The following CCT6B variants were observed in gnomAD, a reference collection of about 807,000 sequenced individuals.
CCT6B encodes probable T-complex protein 1 subunit zeta-2.
In CCT6B, 49 loss-of-function variants were observed where a neutral mutation model predicts 61.5. The observed-to-expected ratio is 0.80, with a 90% CI of 0.63 to 1.01. The LOEUF (loss-of-function observed/expected upper bound fraction) is 1.01, where lower values mean the gene tolerates loss of function less well. Ranked by LOEUF, CCT6B falls within the 50% of genes least tolerant of loss-of-function variation. The pLI is 0.00. For missense variants in CCT6B, 666 were observed against 634.7 expected (o/e 1.05, Z -0.53); for synonymous variants, 228 against 214.5 (o/e 1.06, Z -0.55).
At chr17:34,935,064 A>T (rs1443378594) in intron 10 of CCT6B, among the ~76,000 whole-genome samples, 1 of 152,254 alleles carries the variant, frequency 6.6e-6, no homozygotes, top group Admixed American at 6.5e-5. Context: ...ATAGAATATT[A>T]TTCAATGGTA....
chr17:34,940,917 T>C (rs1415549772), intron 7 of CCT6B, among the ~76,000 whole-genome samples: 3 of 152,158 alleles, frequency 2.0e-5, no homozygotes, highest in Admixed American at 6.5e-5. Flanking sequence ...GGCATTACTT[T>C]ACATTTTTGC....
intron 1 of CCT6B, among the ~76,000 whole-genome samples, chr17:34,960,708 A>T (rs2090403688): frequency 6.6e-6 from 1 of 152,160 alleles, no homozygotes; most frequent in South Asian, 2.1e-4. Context: ...CTCTCCTCTT[A>T]TACCCTTTTG....
intron 5 of CCT6B, among the ~76,000 whole-genome samples, chr17:34,951,115 GC>G: frequency 6.6e-6 from 1 of 152,100 alleles, no homozygotes; most frequent in South Asian, 2.1e-4. Context: ...TCACCTAAGT[GC>G]ACTATACAGA....
rs1299351492 is a variant in CCT6B, at chr17:34,942,732, AAG to A, written c.725+62_725+63del. 45 of 1,495,112 alleles carry A rather than the reference AAG, an allele frequency of 3.0e-5. No individual in the cohort carries two copies. In the South Asian group the frequency reaches 5.2e-4, roughly 17 times the overall value. The allele number at this position is 1,495,112 out of a possible 1,614,324, so 92.6% of individuals were successfully genotyped here. On this transcript the variant is annotated intron_variant, in intron 6 of 13. Coordinates refer to ENST00000314144, the MANE Select transcript of CCT6B (RefSeq NM_006584.4). Reference sequence around the variant, plus strand: ...TCTACACCAAACATCTGGAAGGAAAAAGAGATTTTAAAACACCTTTAGAAAAA... The same window carrying A: ...TCTACACCAAACATCTGGAAGGAAAAAGATTTTAAAACACCTTTAGAAAAA...
chr17:34,946,778 C>T (rs2090228871), intron 5 of CCT6B, among the ~76,000 whole-genome samples: 1 of 152,100 alleles, frequency 6.6e-6, no homozygotes, highest in Non-Finnish European at 1.5e-5. Flanking sequence ...ACAAACAATG[C>T]TAAATGAAAA....
rs547896666 is a variant in CCT6B at position 34,928,137 on chromosome 17, G to A, written c.1524-20C>T. Reference sequence around the variant, plus strand: ...ACTGTGCTAAGGAAAAAGATGAGAGGGTGAGTAAAGCCTACTAACCCACTC... The same window carrying A: ...ACTGTGCTAAGGAAAAAGATGAGAGAGTGAGTAAAGCCTACTAACCCACTC... On this transcript the variant is annotated intron_variant, in intron 13 of 13. Coordinates refer to ENST00000314144, the MANE Select transcript of CCT6B (RefSeq NM_006584.4). 9 of 1,567,448 alleles carry A rather than the reference G, an allele frequency of 5.7e-6. No individual in the cohort carries two copies. In the African/African-American group the frequency reaches 1.1e-4, roughly 19 times the overall value.
chr17:34,932,270 C>A, intron 11 of CCT6B, 97 bp downstream of exon 11: 1 of 1,075,058 alleles, frequency 9.3e-7, no homozygotes, highest in East Asian at 2.6e-5. Flanking sequence ...CACATAAATA[C>A]CTGTCTACTC....
chr17:34,951,910 A>T (rs769099000), intron 5 of CCT6B, 40 bp downstream of exon 5: 20 of 957,100 alleles, frequency 2.1e-5, no homozygotes, highest in South Asian at 8.0e-5. Context: ...TCTTTAAAAA[A>T]TTCTAGAACC....
At chr17:34,948,948 T>A (rs1290763151) in intron 5 of CCT6B, among the ~76,000 whole-genome samples, 5 of 150,612 alleles carry the variant, frequency 3.3e-5, no homozygotes, top group Non-Finnish European at 7.4e-5. Context: ...GGTGGGAGGA[T>A]CACTTGAGCC....
chr17:34,931,045 CA>C lies in CCT6B; in HGVS notation c.1353del (p.Ala452LeufsTer12), dbSNP rs750460352. On this transcript the variant is annotated frameshift_variant, in exon 12 of 14. Coordinates refer to ENST00000314144, the MANE Select transcript of CCT6B (RefSeq NM_006584.4). LOFTEE classifies it high-confidence loss of function. ...TGTGGGTCATAACCAGCATTCTGAG[CA>C]AGAACCTTTAGGAATAAAAATAATA... ...ADALLIIPKV[L>X]AQNAGYDPQE... is the part of the protein sequence containing the mutation. 1 of 1,501,352 alleles carries C rather than the reference CA, an allele frequency of 6.7e-7. No homozygotes were observed. The highest frequency in any genetic ancestry group is 1.3e-5 in the South Asian group (1 of 77,208). 93.0% of individuals were successfully genotyped at this position (1,501,352 alleles called of 1,614,324 possible).
Position 34,932,505 on chromosome 17 carries a change from T to C in CCT6B, c.1214-5A>G, listed in dbSNP as rs375860051. The C allele has an allele frequency of 9.5e-6, 15 of 1,586,628 alleles. No individual in the cohort carries two copies. The highest frequency in any genetic ancestry group is 1.3e-5 in the Non-Finnish European group (15 of 1,171,550). ...CAGCTCCAGGAACCATACAACCTAT[T>C]GGAGAGAAAAAATATGATTGGCAAG... On this transcript the variant is annotated splice_region_variant and splice_polypyrimidine_tract_variant and intron_variant, in intron 10 of 13. Coordinates refer to ENST00000314144, the MANE Select transcript of CCT6B (RefSeq NM_006584.4).
chr17:34,955,308 CAGATT>C (rs544746381), intron 3 of CCT6B, among the ~76,000 whole-genome samples: 74 of 152,178 alleles, frequency 4.9e-4, no homozygotes, highest in Admixed American at 1.2e-3. Context: ...GAATAGAATG[CAGATT>C]AGATAACAGT....
intron 5 of CCT6B, among the ~76,000 whole-genome samples, chr17:34,950,189 C>T (rs961864992): frequency 7.2e-5 from 11 of 152,046 alleles, no homozygotes; most frequent in Non-Finnish European, 1.3e-4. Flanking sequence ...GATTACATAT[C>T]AAAACTTGAA....
At chr17:34,959,123 C>CT (rs11374610) in intron 2 of CCT6B, among the ~76,000 whole-genome samples, 87,217 of 102,784 alleles carry the variant, frequency 0.85, 37,775 homozygotes, top group East Asian at 0.96. Flanking sequence ...AAAAAAAAAA[C>CT]TTTTTTTTTT....
At position 34,928,130 on chromosome 17, in the gene CCT6B, A is replaced by T; in HGVS notation, c.1524-13T>A. The T allele has an allele frequency of 6.3e-7, 1 of 1,596,796 alleles. No individual in the cohort carries two copies. The highest frequency in any genetic ancestry group is 8.6e-7 in the Non-Finnish European group (1 of 1,167,002). The stretch of plus-strand genomic sequence containing the variant: ...GGCAATCACTGTGCTAAGGAAAAAG[A>T]TGAGAGGGTGAGTAAAGCCTACTAA... On this transcript the variant is annotated splice_polypyrimidine_tract_variant and intron_variant, in intron 13 of 13. Transcript: ENST00000314144.
chr17:34,938,158 G>T lies in CCT6B; in HGVS notation c.1213+1025C>A, dbSNP rs574169352. Reference sequence around the variant, plus strand: ...TCCCATCTTGGCCTCCCAAAGTGCTGGAATTACAGGTGAGAGCCACTGTGC... The same window carrying T: ...TCCCATCTTGGCCTCCCAAAGTGCTTGAATTACAGGTGAGAGCCACTGTGC... On this transcript the variant is annotated intron_variant, in intron 10 of 13. Coordinates refer to ENST00000314144, the MANE Select transcript of CCT6B (RefSeq NM_006584.4). Among the ~76,000 whole-genome samples the T allele has an allele frequency of 2.6e-5, 4 of 152,132 alleles. No homozygotes were observed. In the East Asian group the frequency reaches 7.8e-4, roughly 29 times the overall value.
At position 34,932,432 on chromosome 17, in the gene CCT6B, T is replaced by C. The variant is rs760933539; in HGVS notation, c.1282A>G (p.Ser428Gly). The C allele has an allele frequency of 6.2e-7, 1 of 1,612,256 alleles. No homozygotes were observed. Among genetic ancestry groups the C allele is most frequent in the African/African-American group, 1.3e-5 (1 of 74,996 alleles). Residue 428 changes from serine to glycine, a missense_variant, in exon 11 of 14, where the codon AGT becomes GGT. Ser to Gly is a moderately conservative substitution (Grantham distance 56). Coordinates refer to ENST00000314144, the MANE Select transcript of CCT6B (RefSeq NM_006584.4). ...MAEALVTYKNSIKGRARLGVQ... is the reference protein window; with the variant it reads ...MAEALVTYKNGIKGRARLGVQ... ...CCAAGACGAGCTCTTCCTTTTATACTGTTCTTATATGTAACAAGAGCTTCA... is the reference window on the plus strand; with the variant it reads ...CCAAGACGAGCTCTTCCTTTTATACCGTTCTTATATGTAACAAGAGCTTCA...
In CCT6B at chr17:34,951,926, G is replaced by A. The variant is rs775208485; in HGVS notation, c.614+24C>T. On this transcript the variant is annotated intron_variant, in intron 5 of 13. Coordinates refer to ENST00000314144, the MANE Select transcript of CCT6B (RefSeq NM_006584.4). ...CTTTAAAAAATTCTAGAACCCATAT[G>A]TTGTCAAAGCTTATGTAATTTACTT... 19 of 1,182,386 alleles carry A rather than the reference G, an allele frequency of 1.6e-5. No homozygotes were observed. The East Asian group carries it at 3.1e-4, about 19-fold the overall frequency. 73.2% of individuals were successfully genotyped at this position (1,182,386 alleles called of 1,614,324 possible).
At chr17:34,958,802 G>C (rs1224415768) in intron 2 of CCT6B, 108 bp from the exon 3 acceptor site, 3 of 735,842 alleles carry the variant, frequency 4.1e-6, no homozygotes, top group Non-Finnish European at 6.0e-6. Context: ...AATGAAATAA[G>C]CTTCATTCTA....
Sources: gnomAD v4.1 joint callset for allele counts (sites outside exome capture counted in the v4.1 genomes callset) on GRCh38, gnomAD v4.1.1 for gene constraint, MANE v1.5 for transcripts, NCBI Gene and HGNC (gene_info 2026-07-23, HGNC 2026-07-21) for gene names.